TMEM178B: variants seen among roughly 807,000 people sequenced by gnomAD.
The protein encoded by TMEM178B is transmembrane protein 178B.
A neutral mutation model predicts 31.0 loss-of-function variants in TMEM178B; 5 were observed. That is an observed-to-expected ratio of 0.16 (90% CI 0.08 to 0.34). The LOEUF (loss-of-function observed/expected upper bound fraction) is 0.34, where lower values mean the gene tolerates loss of function less well. TMEM178B is among the 10% of genes least tolerant of loss of function. TMEM178B has a pLI of 1.00. For synonymous variants in TMEM178B, 164 were observed against 164.0 expected, an observed-to-expected ratio of 1.00 and a Z score of 0.00; for missense variants, 275 against 400.3, an observed-to-expected ratio of 0.69 and a Z score of 2.67.
At chr7:141,118,389 A>G (rs1795354728) in intron 1 of TMEM178B, among the ~76,000 whole-genome samples, 1 of 152,246 alleles carries the variant, frequency 6.6e-6, no homozygotes, top group Non-Finnish European at 1.5e-5. Flanking sequence ...ACATGAGACA[A>G]GTTACTTAAA....
chr7:141,257,202 A>G (rs1460619072), intron 2 of TMEM178B, among the ~76,000 whole-genome samples: 7 of 152,336 alleles, frequency 4.6e-5, no homozygotes, highest in South Asian at 2.1e-4. Context: ...GAAGTGCTCA[A>G]CTCTTTCAAA....
chr7:141,152,267 G>A (rs73167439), intron 1 of TMEM178B, among the ~76,000 whole-genome samples: 46,397 of 152,070 alleles, frequency 0.31, 8,642 homozygotes, highest in Non-Finnish European at 0.43. Context: ...TGCAGCAGCC[G>A]GGCTTTTCGG....
chr7:141,185,325 G>C (rs1012603975), intron 1 of TMEM178B, among the ~76,000 whole-genome samples: 1 of 152,178 alleles, frequency 6.6e-6, no homozygotes, highest in Non-Finnish European at 1.5e-5. Flanking sequence ...TCACACATGG[G>C]CTTGGAGAAT....
At chr7:141,247,536 C>CT (rs1272457592) in intron 2 of TMEM178B, among the ~76,000 whole-genome samples, 1 of 152,172 alleles carries the variant, frequency 6.6e-6, no homozygotes, top group Admixed American at 6.5e-5. Flanking sequence ...GCTTCTCCCT[C>CT]TGTCACGTGG....
At chr7:141,201,095 A>G (rs1796869784) in intron 1 of TMEM178B, among the ~76,000 whole-genome samples, 1 of 152,176 alleles carries the variant, frequency 6.6e-6, no homozygotes, top group Non-Finnish European at 1.5e-5. Flanking sequence ...GAGAAAGGAC[A>G]ACTTCCCGTG....
chr7:141,160,103 G>T (rs115530391), intron 1 of TMEM178B, among the ~76,000 whole-genome samples: 3,347 of 150,500 alleles, frequency 0.022, 115 homozygotes, highest in African/African-American at 0.077. Flanking sequence ...GTGGTGTTTG[G>T]TTACGCGGAT....
At chr7:141,219,989 G>A (rs1429431563) in intron 2 of TMEM178B, among the ~76,000 whole-genome samples, 1 of 152,060 alleles carries the variant, frequency 6.6e-6, no homozygotes, top group African/African-American at 2.4e-5. Flanking sequence ...AGGAATGATG[G>A]CAAGGGAATT....
chr7:141,290,426 A>G (rs1327661685), intron 2 of TMEM178B, among the ~76,000 whole-genome samples: 1 of 151,770 alleles, frequency 6.6e-6, no homozygotes, highest in South Asian at 2.1e-4. Context: ...CCTTATAGGA[A>G]CTCTCCACTG....
chr7:141,271,812 A>G (rs1484334626), intron 2 of TMEM178B, among the ~76,000 whole-genome samples: 1 of 152,166 alleles, frequency 6.6e-6, no homozygotes, highest in Non-Finnish European at 1.5e-5. Flanking sequence ...CTCCATGACA[A>G]TCCTGTGAGG....
At chr7:141,456,865 C>CT (rs890800635) in intron 3 of TMEM178B, among the ~76,000 whole-genome samples, 1 of 152,190 alleles carries the variant, frequency 6.6e-6, no homozygotes, top group Admixed American at 6.5e-5. Context: ...GAGGATGCTC[C>CT]TTACTGCACA....
Position 141,396,197 on chromosome 7 carries a change from C to A in TMEM178B, c.497-41411C>A, listed in dbSNP as rs1304315073. ...GCAGGGAAAGAGTGGCATTGTCAGG[C>A]CAGCACGCCTCACCTGTTGGGCATC... On this transcript the variant is annotated intron_variant, in intron 2 of 3. Transcript: ENST00000565468. Among the ~76,000 whole-genome samples the A allele has an allele frequency of 2.0e-5, 3 of 151,410 alleles. No homozygotes were observed. In the East Asian group the frequency reaches 5.9e-4, roughly 30 times the overall value.
intron 3 of TMEM178B, among the ~76,000 whole-genome samples, chr7:141,444,665 G>A (rs1055895474): frequency 6.6e-6 from 1 of 152,126 alleles, no homozygotes; most frequent in African/African-American, 2.4e-5. Context: ...CCACTTCCTT[G>A]CGTCACCAGG....
At position 141,212,600 on chromosome 7, in the gene TMEM178B, A is replaced by C; in HGVS notation, c.392A>C (p.Glu131Ala). 2 of 1,535,978 alleles carry C rather than the reference A, an allele frequency of 1.3e-6. No homozygotes were observed. Among genetic ancestry groups the C allele is most frequent in the African/African-American group, 2.7e-5 (2 of 73,160 alleles). The change falls in exon 2 of 4, where the codon GAG becomes GCG. Residue 131 changes from glutamate to alanine, a missense_variant. Coordinates refer to ENST00000565468, the MANE Select transcript of TMEM178B (RefSeq NM_001195278.2). ...IAALIRKGEI[E>A]RCTYIKYHYS... is the part of the protein sequence containing the mutation. ...TGTTTCTCTTTTCTAGGAGAAATTG[A>C]GCGATGTACGTACATCAAATACCAC...
At chr7:141,503,803 T>C in the TMEM178B span, among the ~76,000 whole-genome samples, 3 of 152,246 alleles carry the variant, frequency 2.0e-5, no homozygotes, top group South Asian at 6.2e-4. Context: ...TATGTGTTGC[T>C]TGTAGAACAG....
chr7:141,138,297 G>A (rs1352811472), intron 1 of TMEM178B, among the ~76,000 whole-genome samples: 3 of 151,990 alleles, frequency 2.0e-5, no homozygotes, highest in East Asian at 1.9e-4. Context: ...TCCTGACCTC[G>A]TGATCCACCC....
chr7:141,405,846 C>T (rs1470003380), intron 2 of TMEM178B, among the ~76,000 whole-genome samples: 2 of 152,196 alleles, frequency 1.3e-5, no homozygotes, highest in African/African-American at 2.4e-5. Context: ...TTCCTGGTGT[C>T]ACGAAGTAGC....
chr7:141,230,209 G>A (rs1797419384), intron 2 of TMEM178B, among the ~76,000 whole-genome samples: 1 of 152,024 alleles, frequency 6.6e-6, no homozygotes, highest in African/African-American at 2.4e-5. Context: ...CTGATAATTT[G>A]TTTAGGATAA....
intron 2 of TMEM178B, among the ~76,000 whole-genome samples, chr7:141,213,541 G>GT (rs1293777496): frequency 6.6e-6 from 1 of 152,144 alleles, no homozygotes; most frequent in Non-Finnish European, 1.5e-5. Context: ...ATTCTGAAAG[G>GT]TTAAGATTCT....
In TMEM178B at chr7:141,477,631, G is replaced by A. The variant is rs1056490378; in HGVS notation, c.*6845G>A. 8 of 152,248 alleles carry A rather than the reference G, an allele frequency of 5.3e-5. No homozygotes were observed. The highest frequency in any genetic ancestry group is 1.0e-4 in the Non-Finnish European group (7 of 68,090). 9.4% of individuals were successfully genotyped at this position (152,248 alleles called of 1,614,324 possible). A position where few individuals can be genotyped will look rare whatever the true frequency, so the allele number is the denominator to read the frequency against. ...CCGGCTCACTCAGGGCCTTGGGGGA[G>A]TCTCATTACCTCACCTTGTCTCCAC... On this transcript the variant is annotated 3_prime_UTR_variant, in exon 4 of 4. Transcript: ENST00000565468.
Sources: gnomAD v4.1 joint callset for allele counts (sites outside exome capture counted in the v4.1 genomes callset) on GRCh38, gnomAD v4.1.1 for gene constraint, MANE v1.5 for transcripts, NCBI Gene and HGNC (gene_info 2026-07-23, HGNC 2026-07-21) for gene names.